Variants in FAR1 observed in about 807,000 individuals in gnomAD.
FAR1 encodes fatty acyl-CoA reductase 1.
A neutral mutation model predicts 61.1 loss-of-function variants in FAR1; 22 were observed. That is an observed-to-expected ratio of 0.36 (90% CI 0.26 to 0.51). FAR1 has a LOEUF of 0.51. Ranked by LOEUF, FAR1 falls within the 20% of genes least tolerant of loss-of-function variation. The probability of loss-of-function intolerance (pLI) is 0.95; values close to 1 mark genes in which losing one functional copy is unlikely to be tolerated. For missense variants in FAR1, 359 were observed against 626.9 expected (o/e 0.57, Z 4.56); for synonymous variants, 206 against 209.7 (o/e 0.98, Z 0.15).
intron 1 of FAR1, among the ~76,000 whole-genome samples, chr11:13,674,308 CAAA>C (rs375685986): frequency 7.2e-5 from 5 of 69,374 alleles, no homozygotes; most frequent in African/African-American, 2.2e-4. Context: ...GACTCCGTCT[CAAA>C]AAAAAAAAAA....
chr11:13,700,842 T>A (rs7106640), intron 3 of FAR1, among the ~76,000 whole-genome samples: 2 of 152,206 alleles, frequency 1.3e-5, no homozygotes, highest in South Asian at 4.1e-4. Flanking sequence ...TCTTCTAATC[T>A]ACATCATATC....
At position 13,722,031 on chromosome 11, in the gene FAR1, T is replaced by G. The variant is rs142646743; in HGVS notation, c.1257+172T>G. Among the ~76,000 whole-genome samples, 652 of 152,294 alleles carry G rather than the reference T, an allele frequency of 4.3e-3. 6 individuals carry two copies. Among genetic ancestry groups the G allele is most frequent in the African/African-American group, 0.015 (622 of 41,568 alleles). On this transcript the variant is annotated intron_variant, in intron 10 of 11. Transcript: ENST00000354817. ...TTAGTGGTGAAATAAAATTGCTGTATCTTAACATTTCTAGTGTAAGTATTT... is the reference window on the plus strand; with the variant it reads ...TTAGTGGTGAAATAAAATTGCTGTAGCTTAACATTTCTAGTGTAAGTATTT...
intron 1 of FAR1, among the ~76,000 whole-genome samples, chr11:13,688,145 A>G (rs780365211): frequency 1.8e-4 from 28 of 152,198 alleles, no homozygotes; most frequent in Middle Eastern, 3.4e-3. Context: ...AAAATGCACA[A>G]TAAGAAAATA....
At chr11:13,672,947 C>T (rs924675380) in intron 1 of FAR1, among the ~76,000 whole-genome samples, 5 of 152,156 alleles carry the variant, frequency 3.3e-5, no homozygotes, top group African/African-American at 1.2e-4. Flanking sequence ...CTTCTTTTGG[C>T]TTTATATCCT....
intron 9 of FAR1, among the ~76,000 whole-genome samples, chr11:13,717,503 C>G (rs1848569029): frequency 6.6e-6 from 1 of 152,120 alleles, no homozygotes; most frequent in African/African-American, 2.4e-5. Context: ...CAGTCTTATT[C>G]TCTGGGAGTT....
At chr11:13,690,166 C>T (rs544784675) in intron 1 of FAR1, among the ~76,000 whole-genome samples, 1 of 152,220 alleles carries the variant, frequency 6.6e-6, no homozygotes, top group East Asian at 1.9e-4. Context: ...TGTGAACCAC[C>T]GCGCCTGGCC....
intron 2 of FAR1, among the ~76,000 whole-genome samples, chr11:13,695,847 C>T (rs1848301670): frequency 6.6e-6 from 1 of 152,164 alleles, no homozygotes; most frequent in South Asian, 2.1e-4. Flanking sequence ...ATTTGTTTGA[C>T]ACCATGCAAC....
intron 1 of FAR1, chr11:13,685,443 A>C (rs1196305345): frequency 4.7e-6 from 1 of 212,396 alleles, no homozygotes; most frequent in Admixed American, 4.2e-5. Context: ...TGATATGGTA[A>C]CATGGTTGTG....
intron 1 of FAR1, among the ~76,000 whole-genome samples, chr11:13,684,548 G>T (rs1848165705): frequency 6.6e-6 from 1 of 152,200 alleles, no homozygotes; most frequent in African/African-American, 2.4e-5. Context: ...ACCCAAACAG[G>T]TAAGCAAGCT....
intron 3 of FAR1, among the ~76,000 whole-genome samples, chr11:13,706,839 G>C (rs1848438025): frequency 6.6e-6 from 1 of 152,006 alleles, no homozygotes; most frequent in Non-Finnish European, 1.5e-5. Flanking sequence ...CTAAATGTTT[G>C]CAAGCTATTT....
chr11:13,712,230 A>G (rs559086005), intron 7 of FAR1, among the ~76,000 whole-genome samples, 184 bp downstream of exon 7: 1 of 152,090 alleles, frequency 6.6e-6, no homozygotes, highest in Non-Finnish European at 1.5e-5. Flanking sequence ...ATCAGTAGTA[A>G]TGAAGAATTA....
chr11:13,686,685 T>C (rs529424557), intron 1 of FAR1: 49 of 146,656 alleles, frequency 3.3e-4, no homozygotes, highest in African/African-American at 1.2e-3. Context: ...ATTGGAATAC[T>C]CCAATCTCTC....
chr11:13,723,327 T>C, intron 10 of FAR1: 1 of 377,088 alleles, frequency 2.7e-6, no homozygotes, highest in South Asian at 1.9e-5. Flanking sequence ...ATCACGTCAT[T>C]GCACTCCAGC....
chr11:13,695,121 T>G (rs1462990206), intron 2 of FAR1, among the ~76,000 whole-genome samples, 167 bp downstream of exon 2: 1 of 152,194 alleles, frequency 6.6e-6, no homozygotes, highest in African/African-American at 2.4e-5. Flanking sequence ...TGGATATGAC[T>G]TGTGAATCAC....
At position 13,730,124 on chromosome 11, in the gene FAR1, A is replaced by AG. The variant is rs1427773972; in HGVS notation, c.*1350_*1351insG. The AG allele has an allele frequency of 6.6e-6, 1 of 152,430 alleles. No homozygotes were observed. Among genetic ancestry groups the AG allele is most frequent in the Non-Finnish European group, 1.5e-5 (1 of 67,874 alleles). 9.4% of individuals were successfully genotyped at this position (152,430 alleles called of 1,614,324 possible). On this transcript the variant is annotated 3_prime_UTR_variant, in exon 12 of 12. Coordinates refer to ENST00000354817, the MANE Select transcript of FAR1 (RefSeq NM_032228.6). ...ATTGTTCAGCATAACACTTCTAATT[A>AG]AGTTTATCAAGTTGTACTGTATTAG...
intron 9 of FAR1, among the ~76,000 whole-genome samples, chr11:13,717,323 C>T (rs1041603568): frequency 2.0e-5 from 3 of 152,078 alleles, no homozygotes; most frequent in South Asian, 2.1e-4. Flanking sequence ...ACTAAAGCAA[C>T]GAGTTACTGA....
intron 1 of FAR1, among the ~76,000 whole-genome samples, chr11:13,670,345 G>T (rs1203257137): frequency 2.0e-5 from 3 of 152,152 alleles, no homozygotes; most frequent in Admixed American, 1.3e-4. Context: ...CTGGAGTGCA[G>T]TGACGCGATC....
At chr11:13,718,387 G>GT (rs1357214971) in intron 9 of FAR1, among the ~76,000 whole-genome samples, 2 of 152,032 alleles carry the variant, frequency 1.3e-5, no homozygotes, top group Non-Finnish European at 2.9e-5. Context: ...GAGTTTATTA[G>GT]TACACTTTCT....
chr11:13,717,907 C>T (rs1247867321), intron 9 of FAR1, among the ~76,000 whole-genome samples: 1 of 152,038 alleles, frequency 6.6e-6, no homozygotes, highest in Non-Finnish European at 1.5e-5. Flanking sequence ...TTGTCTATCC[C>T]TTTACATGTA....
Sources: gnomAD v4.1 joint callset for allele counts (sites outside exome capture counted in the v4.1 genomes callset) on GRCh38, gnomAD v4.1.1 for gene constraint, MANE v1.5 for transcripts, NCBI Gene and HGNC (gene_info 2026-07-23, HGNC 2026-07-21) for gene names.